The following SRGAP1 variants were observed in gnomAD, a reference collection of about 807,000 sequenced individuals.
SRGAP1 encodes SLIT-ROBO Rho GTPase-activating protein 1.
Under a neutral mutation model 121.9 loss-of-function variants are expected in SRGAP1, and 43 were observed. That is an observed-to-expected ratio of 0.35 (90% CI 0.28 to 0.46). The LOEUF is 0.46. SRGAP1 is among the 20% of genes least tolerant of loss of function. SRGAP1 has a pLI of 1.00. For missense variants in SRGAP1, 1,102 were observed against 1,350.9 expected, an observed-to-expected ratio of 0.82 and a Z score of 2.89; for synonymous variants, 447 against 485.4, an observed-to-expected ratio of 0.92 and a Z score of 1.04.
chr12:63,882,783 G>A (rs1900238912), intron 1 of SRGAP1, among the ~76,000 whole-genome samples: 1 of 152,156 alleles, frequency 6.6e-6, no homozygotes, highest in African/African-American at 2.4e-5. Context: ...TTCTTAGATG[G>A]CTAAGAGCAA....
chr12:63,949,093 A>T (rs2032179373), intron 1 of SRGAP1, among the ~76,000 whole-genome samples: 1 of 144,998 alleles, frequency 6.9e-6, no homozygotes, highest in South Asian at 2.1e-4. Flanking sequence ...TTTTCCATAT[A>T]TGTATTTTCC....
intron 17 of SRGAP1, 64 bp from the exon 18 acceptor site, chr12:64,115,750 G>T: frequency 3.0e-6 from 4 of 1,337,500 alleles, no homozygotes; most frequent in Non-Finnish European, 4.2e-6. Context: ...AGCAGTGCAA[G>T]AACCTGTCTC....
At chr12:63,981,548 C>T (rs149865255) in intron 1 of SRGAP1, among the ~76,000 whole-genome samples, 15 of 152,274 alleles carry the variant, frequency 9.9e-5, no homozygotes, top group Admixed American at 3.9e-4. Flanking sequence ...AAGAGCTCTG[C>T]GTTTTTGAAA....
chr12:64,064,823 G>A (rs1294801896), intron 7 of SRGAP1, among the ~76,000 whole-genome samples: 1 of 152,286 alleles, frequency 6.6e-6, no homozygotes, highest in African/African-American at 2.4e-5. Flanking sequence ...AATTCCACGA[G>A]TGAGATTTCA....
intron 1 of SRGAP1, among the ~76,000 whole-genome samples, chr12:63,889,631 C>T (rs578240803): frequency 2.6e-5 from 4 of 152,080 alleles, no homozygotes; most frequent in African/African-American, 7.2e-5. Flanking sequence ...AAAATCCGGC[C>T]GAGTGTGGTG....
chr12:63,877,087 T>G (rs1365884696), intron 1 of SRGAP1, among the ~76,000 whole-genome samples: 1 of 152,148 alleles, frequency 6.6e-6, no homozygotes, highest in Non-Finnish European at 1.5e-5. Flanking sequence ...TAGCTGAGCA[T>G]GGTGGCATGC....
intron 10 of SRGAP1, among the ~76,000 whole-genome samples, chr12:64,085,041 G>C (rs1445067958): frequency 6.6e-6 from 1 of 152,014 alleles, no homozygotes; most frequent in Admixed American, 6.6e-5. Flanking sequence ...AAAGACTTAC[G>C]TTTTTAAAGG....
chr12:63,947,509 A>T (rs1021330340), intron 1 of SRGAP1, among the ~76,000 whole-genome samples: 10 of 152,210 alleles, frequency 6.6e-5, no homozygotes, highest in Admixed American at 5.2e-4. Flanking sequence ...AATTTTTTAA[A>T]TATGTGGATA....
At chr12:63,943,740 G>A (rs1433016672) in intron 1 of SRGAP1, among the ~76,000 whole-genome samples, 2 of 152,172 alleles carry the variant, frequency 1.3e-5, no homozygotes, top group Non-Finnish European at 2.9e-5. Flanking sequence ...GAGATATGCA[G>A]TGGGCCATGG....
At chr12:63,849,779 T>C (rs1899015618) in intron 1 of SRGAP1, among the ~76,000 whole-genome samples, 2 of 152,354 alleles carry the variant, frequency 1.3e-5, no homozygotes, top group South Asian at 4.1e-4. Flanking sequence ...ACTCATTACA[T>C]GATGCAGGGA....
chr12:64,142,065 C>T (rs1288012565), intron 21 of SRGAP1, among the ~76,000 whole-genome samples: 1 of 152,106 alleles, frequency 6.6e-6, no homozygotes, highest in Non-Finnish European at 1.5e-5. Context: ...CTTAGGAAGG[C>T]CATTGTTTGA....
At chr12:63,903,953 G>A (rs2030068556) in intron 1 of SRGAP1, among the ~76,000 whole-genome samples, 1 of 151,950 alleles carries the variant, frequency 6.6e-6, no homozygotes, top group Admixed American at 6.6e-5. Flanking sequence ...TTTTTAAATT[G>A]TGAAATACAC....
intron 1 of SRGAP1, among the ~76,000 whole-genome samples, chr12:63,899,456 A>G (rs551353483): frequency 1.2e-4 from 19 of 152,324 alleles, no homozygotes; most frequent in African/African-American, 4.1e-4. Flanking sequence ...GCAAAGAACA[A>G]TTCACCAGTC....
chr12:64,057,317 C>T (rs1303538078), intron 6 of SRGAP1, among the ~76,000 whole-genome samples: 1 of 152,144 alleles, frequency 6.6e-6, no homozygotes, highest in African/African-American at 2.4e-5. Flanking sequence ...AGCTAGCTCT[C>T]TGTGGACCTT....
At chr12:63,887,675 A>G (rs1900435644) in intron 1 of SRGAP1, 1 of 152,222 alleles carries the variant, frequency 6.6e-6, no homozygotes, top group South Asian at 2.1e-4. Context: ...CCTTGAGATG[A>G]AAAGGTTTTG....
At position 64,087,003 on chromosome 12, in the gene SRGAP1, T is replaced by C. The variant is rs1225709412; in HGVS notation, c.1413T>C (p.His471=). The change falls in exon 11 of 22, where the codon CAT becomes CAC. Residue 471 remains histidine, a synonymous_variant. Transcript: ENST00000355086. Reference sequence around the variant, plus strand: ...CTTTAAATTTTTTTCCTGCAGGTCATAGAGCTGAATATATGACTACAAGGT... The same window carrying C: ...CTTTAAATTTTTTTCCTGCAGGTCACAGAGCTGAATATATGACTACAAGGT... ...DLLQRTLGEG[H]RAEYMTTRPP... The C allele has an allele frequency of 2.5e-6, 4 of 1,594,684 alleles. No homozygotes were observed. The highest frequency in any genetic ancestry group is 1.1e-5 in the South Asian group (1 of 87,990).
intron 3 of SRGAP1, among the ~76,000 whole-genome samples, chr12:64,012,391 C>T (rs2034276242): frequency 6.6e-6 from 1 of 151,946 alleles, no homozygotes; most frequent in Non-Finnish European, 1.5e-5. Context: ...GAAGTTTTAC[C>T]ATTATTTGAA....
intron 4 of SRGAP1, among the ~76,000 whole-genome samples, chr12:64,023,398 C>A (rs568599745): frequency 1.3e-5 from 2 of 152,012 alleles, no homozygotes; most frequent in Non-Finnish European, 2.9e-5. Flanking sequence ...TCATATGAAA[C>A]GGGTTTAAAG....
intron 18 of SRGAP1, among the ~76,000 whole-genome samples, chr12:64,123,643 G>GATTGATTT (rs2036637889): frequency 7.1e-6 from 1 of 141,212 alleles, no homozygotes; most frequent in African/African-American, 2.7e-5. Context: ...ATTGCTAAAG[G>GATTGATTT]ATTTATTTAT....
Sources: gnomAD v4.1 joint callset for allele counts (sites outside exome capture counted in the v4.1 genomes callset) on GRCh38, gnomAD v4.1.1 for gene constraint, MANE v1.5 for transcripts, NCBI Gene and HGNC (gene_info 2026-07-23, HGNC 2026-07-21) for gene names.